Variants in MYH9 observed in about 807,000 individuals in gnomAD.
The protein encoded by MYH9 is myosin-9.
In MYH9, 29 loss-of-function variants were observed where a neutral mutation model predicts 241.9. That is an observed-to-expected ratio of 0.12 (90% CI 0.09 to 0.16). MYH9 has a LOEUF of 0.16. Ranked by LOEUF, MYH9 falls within the 10% of genes least tolerant of loss-of-function variation. MYH9 has a pLI of 1.00. For missense variants in MYH9, 1,803 were observed against 2,595.5 expected, an observed-to-expected ratio of 0.69 and a Z score of 6.63; for synonymous variants, 1,047 against 1,062.6, an observed-to-expected ratio of 0.99 and a Z score of 0.29.
rs1000620898 is a variant in MYH9 at position 36,325,241 on chromosome 22, C to T, written c.612+1327G>A. The T allele has an allele frequency of 1.9e-5, 12 of 643,840 alleles. No homozygotes were observed. The African/African-American group carries it at 2.2e-4, about 12-fold the overall frequency. 39.9% of individuals were successfully genotyped at this position (643,840 alleles called of 1,614,324 possible). On this transcript the variant is annotated intron_variant, in intron 5 of 40. Coordinates refer to ENST00000216181, the MANE Select transcript of MYH9 (RefSeq NM_002473.6). ...GTTTCTAAATATAACTCCTGACGCC[C>T]CATGGAAAAAGATTCCAAACGTCTT...
intron 3 of MYH9, among the ~76,000 whole-genome samples, chr22:36,337,562 G>C (rs1005296163): frequency 2.6e-5 from 4 of 152,232 alleles, no homozygotes; most frequent in Non-Finnish European, 4.4e-5. Flanking sequence ...TCCCCAGACA[G>C]AGCCACCAAC....
At chr22:36,348,095 TA>T (rs1301392147) in intron 2 of MYH9, among the ~76,000 whole-genome samples, 4 of 144,266 alleles carry the variant, frequency 2.8e-5, no homozygotes, top group South Asian at 2.1e-4. Flanking sequence ...TATTTTAAGA[TA>T]TTTTTTAAAA....
In MYH9 at chr22:36,322,462, G is replaced by C. The variant is rs1165877698; in HGVS notation, c.672C>G (p.Ala224=). The change falls in exon 6 of 41, where the codon GCC becomes GCG. Residue 224 remains alanine (A), a synonymous_variant. Transcript: ENST00000216181. ...AGGAGTTGTCATTCTTCACGGTCTT[G>C]GCGTTCCCGAAGGCCTCCAGGATGG... ...ANPILEAFGN[A]KTVKNDNSSR... 1.9e-6 allele frequency: 3 copies of C among 1,613,806 alleles called. No homozygotes were observed. Among genetic ancestry groups the C allele is most frequent in the East Asian group, 2.2e-5 (1 of 44,900 alleles).
In MYH9 at chr22:36,282,539, G is replaced by T; in HGVS notation, c.*129C>A. 1 of 893,288 alleles carries T rather than the reference G, an allele frequency of 1.1e-6. No homozygotes were observed. The highest frequency in any genetic ancestry group is 1.9e-6 in the Non-Finnish European group (1 of 534,498). The allele number at this position is 893,288 out of a possible 1,614,324, so 55.3% of individuals were successfully genotyped here. A position where few individuals can be genotyped will look rare whatever the true frequency, so the allele number is the denominator to read the frequency against. ...TGGAGGGAAACGGGATGGGGGGACGGGGCGGAGGGCAGGAGGAGGCATGTT... is the reference window on the plus strand; with the variant it reads ...TGGAGGGAAACGGGATGGGGGGACGTGGCGGAGGGCAGGAGGAGGCATGTT... On this transcript the variant is annotated 3_prime_UTR_variant, in exon 41 of 41. Coordinates refer to ENST00000216181, the MANE Select transcript of MYH9 (RefSeq NM_002473.6).
Position 36,295,477 on chromosome 22 carries a change from T to C in MYH9, c.3485+28A>G, listed in dbSNP as rs1446409202. On this transcript the variant is annotated intron_variant, in intron 26 of 40. Coordinates refer to ENST00000216181, the MANE Select transcript of MYH9 (RefSeq NM_002473.6). This position sits in a 1 kb window ranked among gnomAD's most constrained non-coding sequence, Gnocchi z 4.1. ...AAGGCCCCCCTGGCTGCCCTCCCCATCCCGAGGGACTTGGTCCCAGGGCAC... is the reference window on the plus strand; with the variant it reads ...AAGGCCCCCCTGGCTGCCCTCCCCACCCCGAGGGACTTGGTCCCAGGGCAC... 1.2e-6 allele frequency: 2 copies of C among 1,603,028 alleles called. No individual in the cohort carries two copies. Among genetic ancestry groups the C allele is most frequent in the Non-Finnish European group, 8.5e-7 (1 of 1,174,434 alleles).
At chr22:36,385,982 G>C (rs989685749) in intron 1 of MYH9, among the ~76,000 whole-genome samples, 2 of 152,118 alleles carry the variant, frequency 1.3e-5, no homozygotes, top group African/African-American at 2.4e-5. Flanking sequence ...TGAAATTCCT[G>C]AGTCCTTTGT....
chr22:36,302,432 G>A, intron 20 of MYH9, 136 bp downstream of exon 20: 1 of 723,088 alleles, frequency 1.4e-6, no homozygotes, highest in South Asian at 1.5e-5. Flanking sequence ...AGGATTGCTG[G>A]AGCCCAAGAG....
At position 36,295,727 on chromosome 22, in the gene MYH9, C is replaced by T. The variant is rs2016778269; in HGVS notation, c.3273-10G>A. ...AGCTTCCTCTTCCACTCTGCCAAAG[C>T]GACCAGCAACATCAGTATAAGGAGA... is the stretch of plus-strand genomic sequence containing the variant. On this transcript the variant is annotated splice_polypyrimidine_tract_variant and intron_variant, in intron 25 of 40. Transcript: ENST00000216181. This position sits in a 1 kb window ranked among gnomAD's most constrained non-coding sequence, Gnocchi z 4.1. The T allele has an allele frequency of 4.3e-6, 7 of 1,609,914 alleles. No individual in the cohort carries two copies. The highest frequency in any genetic ancestry group is 2.2e-5 in the South Asian group (2 of 90,550).
chr22:36,298,401 G>A (rs890837916), intron 24 of MYH9, among the ~76,000 whole-genome samples: 1 of 152,180 alleles, frequency 6.6e-6, no homozygotes, highest in Non-Finnish European at 1.5e-5. Flanking sequence ...GTCAAGCAAT[G>A]AACTTCCGCA....
Position 36,288,220 on chromosome 22 carries a change from C to T in MYH9, c.4932+32G>A. On this transcript the variant is annotated intron_variant, in intron 34 of 40. Transcript: ENST00000216181. The surrounding 1 kb of genome is among the most constrained non-coding windows in gnomAD (Gnocchi z 4.8). ...ATGTAGTTGGCTCAGTCGGGTGCCGCCCACCCTCACCTGGGCCCCGCCCAC... is the reference window on the plus strand; with the variant it reads ...ATGTAGTTGGCTCAGTCGGGTGCCGTCCACCCTCACCTGGGCCCCGCCCAC... The T allele has an allele frequency of 1.2e-6, 2 of 1,612,052 alleles. No individual in the cohort carries two copies. The highest frequency in any genetic ancestry group is 1.7e-6 in the Non-Finnish European group (2 of 1,179,788).
intron 1 of MYH9, among the ~76,000 whole-genome samples, chr22:36,368,331 A>T (rs1487337353): frequency 3.9e-5 from 6 of 152,182 alleles, no homozygotes; most frequent in African/African-American, 7.2e-5. Flanking sequence ...CAAGGCCAGA[A>T]GGCTTACTTG....
chr22:36,294,989 C>A lies in MYH9; in HGVS notation c.3573G>T (p.Arg1191Ser). The A allele has an allele frequency of 6.2e-7, 1 of 1,614,182 alleles. No homozygotes were observed. Among genetic ancestry groups the A allele is most frequent in the Middle Eastern group, 1.6e-4 (1 of 6,062 alleles). ...CCTCCACGGCCTGTGAGTGCTTCTG[C>A]CTCATCTCCTGGATCTGGGCCTCGT... Reference protein sequence around the residue: ...KTHEAQIQEMRQKHSQAVEEL... With the variant: ...KTHEAQIQEMSQKHSQAVEEL... Residue 1191 changes from arginine (R) to serine (S), a missense_variant, in exon 27 of 41, where the codon AGG becomes AGT. Coordinates refer to ENST00000216181, the MANE Select transcript of MYH9 (RefSeq NM_002473.6).
At chr22:36,350,628 G>T (rs1479338158) in intron 1 of MYH9, among the ~76,000 whole-genome samples, 1 of 152,230 alleles carries the variant, frequency 6.6e-6, no homozygotes, top group Non-Finnish European at 1.5e-5. Flanking sequence ...TATCTCGAAA[G>T]GTCTTTGTAG....
chr22:36,328,067 A>C (rs1291856862), intron 3 of MYH9, among the ~76,000 whole-genome samples: 3 of 152,228 alleles, frequency 2.0e-5, no homozygotes, highest in Admixed American at 1.3e-4. Context: ...GCAGCGTGGG[A>C]TAACAGTACT....
chr22:36,316,715 G>A (rs1371403271), intron 11 of MYH9, 46 bp from the exon 12 acceptor site: 2 of 1,611,144 alleles, frequency 1.2e-6, no homozygotes, highest in Non-Finnish European at 8.5e-7. Context: ...CAAAGGATCT[G>A]AAAACCCTCA....
At chr22:36,334,090 CAA>C (rs34562734) in intron 3 of MYH9, among the ~76,000 whole-genome samples, 4 of 118,928 alleles carry the variant, frequency 3.4e-5, no homozygotes, top group African/African-American at 3.2e-5. Context: ...GTTGGATTTA[CAA>C]AAAAAAAAAA....
chr22:36,348,880 C>G (rs143755451), intron 2 of MYH9, 24 bp downstream of exon 2: 15 of 1,478,414 alleles, frequency 1.0e-5, no homozygotes, highest in Admixed American at 5.3e-5. Context: ...ACCCAGCCTG[C>G]GGGGTGCCAC....
chr22:36,322,630 G>GC, intron 5 of MYH9, 109 bp from the exon 6 acceptor site: 1 of 1,082,362 alleles, frequency 9.2e-7, no homozygotes, highest in Non-Finnish European at 1.4e-6. Flanking sequence ...TGTCCAACGT[G>GC]CCAGGAACAG....
chr22:36,307,873 A>G (rs906297206), intron 15 of MYH9, among the ~76,000 whole-genome samples: 1 of 151,838 alleles, frequency 6.6e-6, no homozygotes, highest in African/African-American at 2.4e-5. Context: ...GGGTGACAAG[A>G]ACAAAACTCT....
Sources: gnomAD v4.1 joint callset for allele counts (sites outside exome capture counted in the v4.1 genomes callset) on GRCh38, gnomAD v4.1.1 for gene constraint, Gnocchi (gnomAD v3.1) non-coding constraint, MANE v1.5 for transcripts, NCBI Gene and HGNC (gene_info 2026-07-23, HGNC 2026-07-21) for gene names.